CNTN5: variants seen among roughly 807,000 people sequenced by gnomAD.
CNTN5 encodes contactin 5, also known as contactin-5.
In CNTN5, 77 loss-of-function variants were observed where a neutral mutation model predicts 129.1. The observed-to-expected ratio is 0.60, with a 90% CI of 0.50 to 0.72. CNTN5 has a LOEUF of 0.72. CNTN5 is among the 30% of genes least tolerant of loss of function. CNTN5 has a pLI of 0.00. For synonymous variants in CNTN5, 509 were observed against 465.6 expected (o/e 1.09, Z -1.20); for missense variants, 1,478 against 1,328.8 (o/e 1.11, Z -1.75).
intron 3 of CNTN5, among the ~76,000 whole-genome samples, chr11:99,701,981 A>G (rs1172796679): frequency 6.6e-6 from 1 of 151,124 alleles, no homozygotes; most frequent in Admixed American, 6.6e-5. Context: ...TGTGACATTA[A>G]CAAGAGGCCA....
At chr11:100,125,240 T>A (rs1241493970) in intron 13 of CNTN5, among the ~76,000 whole-genome samples, 2 of 152,080 alleles carry the variant, frequency 1.3e-5, no homozygotes, top group African/African-American at 4.8e-5. Flanking sequence ...GTATATTGCA[T>A]GAAGCTGAGG....
intron 3 of CNTN5, among the ~76,000 whole-genome samples, chr11:99,742,937 A>G (rs1009952203): frequency 3.9e-5 from 6 of 152,344 alleles, no homozygotes; most frequent in Admixed American, 3.9e-4. Context: ...CAGAAAGCTC[A>G]CAGTCTCACA....
chr11:99,402,588 G>A (rs1410321781), intron 2 of CNTN5, among the ~76,000 whole-genome samples: 3 of 152,072 alleles, frequency 2.0e-5, no homozygotes, highest in Admixed American at 6.6e-5. Context: ...TACTGACATC[G>A]TAGAATACTT....
chr11:99,286,501 G>T (rs1863946450), intron 1 of CNTN5, among the ~76,000 whole-genome samples: 1 of 152,112 alleles, frequency 6.6e-6, no homozygotes, highest in Admixed American at 6.6e-5. Context: ...GACTTAGTAG[G>T]AGACTTAATG....
At chr11:99,916,950 T>C (rs1329675109) in intron 7 of CNTN5, among the ~76,000 whole-genome samples, 1 of 152,204 alleles carries the variant, frequency 6.6e-6, no homozygotes, top group East Asian at 1.9e-4. Flanking sequence ...ATGTCAGTAA[T>C]TTTTTCTTCT....
chr11:99,967,100 GA>G (rs1315690415), intron 8 of CNTN5, among the ~76,000 whole-genome samples: 1 of 152,112 alleles, frequency 6.6e-6, no homozygotes, highest in Non-Finnish European at 1.5e-5. Flanking sequence ...ACTAAATAAA[GA>G]GAGGATATTT....
intron 15 of CNTN5, among the ~76,000 whole-genome samples, chr11:100,210,161 A>T (rs1442608577): frequency 7.2e-6 from 1 of 139,230 alleles, no homozygotes; most frequent in African/African-American, 2.7e-5. Flanking sequence ...CACAGTGAAA[A>T]CCTGCCTCTA....
At chr11:100,099,604 G>A (rs537940519) in intron 13 of CNTN5, among the ~76,000 whole-genome samples, 18 of 151,952 alleles carry the variant, frequency 1.2e-4, no homozygotes, top group African/African-American at 4.3e-4. Flanking sequence ...GTATTTTAAT[G>A]TTTATGAATG....
intron 3 of CNTN5, among the ~76,000 whole-genome samples, chr11:99,635,494 AC>A (rs67153914): frequency 2.6e-5 from 4 of 151,754 alleles, no homozygotes; most frequent in Non-Finnish European, 4.4e-5. Flanking sequence ...AAGTAATAAA[AC>A]AAATTGAGCC....
chr11:99,668,728 A>G (rs1010616709), intron 3 of CNTN5, among the ~76,000 whole-genome samples: 1 of 152,138 alleles, frequency 6.6e-6, no homozygotes, highest in African/African-American at 2.4e-5. Flanking sequence ...GAGAAATTCA[A>G]AACTAGCCTG....
At chr11:100,340,876 A>C (rs922401077) in intron 22 of CNTN5, among the ~76,000 whole-genome samples, 1 of 152,154 alleles carries the variant, frequency 6.6e-6, no homozygotes, top group African/African-American at 2.4e-5. Context: ...TTGACACAGA[A>C]GGGAGATAAA....
intron 1 of CNTN5, among the ~76,000 whole-genome samples, chr11:99,125,207 A>G (rs1340921055): frequency 6.6e-6 from 1 of 152,132 alleles, no homozygotes; most frequent in East Asian, 1.9e-4. Context: ...AAAAATCATC[A>G]ACAAGGTACT....
intron 1 of CNTN5, among the ~76,000 whole-genome samples, chr11:99,244,688 A>G (rs967231460): frequency 1.3e-5 from 2 of 152,200 alleles, no homozygotes; most frequent in African/African-American, 4.8e-5. Flanking sequence ...CCTGCTACTG[A>G]GTCCTACTAC....
intron 3 of CNTN5, among the ~76,000 whole-genome samples, chr11:99,762,937 A>G (rs541903844): frequency 2.8e-4 from 43 of 152,228 alleles, no homozygotes; most frequent in African/African-American, 1.0e-3. Flanking sequence ...AGCTTCATGC[A>G]TTCCCCATTG....
At chr11:100,010,320 A>AG (rs1430077668) in intron 9 of CNTN5, among the ~76,000 whole-genome samples, 1 of 152,108 alleles carries the variant, frequency 6.6e-6, no homozygotes, top group African/African-American at 2.4e-5. Context: ...TCTAGAGGTA[A>AG]GGGGGGAAAA....
intron 13 of CNTN5, among the ~76,000 whole-genome samples, chr11:100,143,310 T>C (rs1322905206): frequency 6.6e-6 from 1 of 152,096 alleles, no homozygotes; most frequent in Admixed American, 6.6e-5. Flanking sequence ...ATTAAACACA[T>C]TTGGTGAGTA....
chr11:99,676,314 A>C (rs183735004), intron 3 of CNTN5, among the ~76,000 whole-genome samples: 74 of 152,330 alleles, frequency 4.9e-4, no homozygotes, highest in African/African-American at 1.7e-3. Context: ...ATAGACTACA[A>C]CATAAAAACG....
intron 8 of CNTN5, among the ~76,000 whole-genome samples, chr11:99,978,493 A>G (rs1174199663): frequency 6.6e-6 from 1 of 152,202 alleles, no homozygotes; most frequent in Non-Finnish European, 1.5e-5. Context: ...TTTGTAGTAA[A>G]TGCCCTGTAC....
At chr11:100,059,684 A>G (rs1261300761) in intron 9 of CNTN5, among the ~76,000 whole-genome samples, 3 of 152,160 alleles carry the variant, frequency 2.0e-5, no homozygotes, top group African/African-American at 7.2e-5. Context: ...AAGCAGATTG[A>G]TCAAATGCGA....
Sources: gnomAD v4.1 joint callset for allele counts (sites outside exome capture counted in the v4.1 genomes callset) on GRCh38, gnomAD v4.1.1 for gene constraint, MANE v1.5 for transcripts, NCBI Gene and HGNC (gene_info 2026-07-23, HGNC 2026-07-21) for gene names.